Variants in ADGRL3 observed in about 807,000 individuals in gnomAD.
ADGRL3 encodes the protein adhesion G protein-coupled receptor L3, also known as calcium-independent alpha-latrotoxin receptor 3.
In ADGRL3, 62 loss-of-function variants were observed where a neutral mutation model predicts 153.5. That is an observed-to-expected ratio of 0.40 (90% CI 0.33 to 0.50). ADGRL3 has a LOEUF of 0.50. Among genes scored for constraint, ADGRL3 ranks in the 20% least tolerant of loss-of-function variants. The probability of loss-of-function intolerance (pLI) is 0.47; values close to 1 mark genes in which losing one functional copy is unlikely to be tolerated. For missense variants in ADGRL3, 1,641 were observed against 1,859.4 expected, an observed-to-expected ratio of 0.88 and a Z score of 2.16; for synonymous variants, 710 against 672.5, an observed-to-expected ratio of 1.06 and a Z score of -0.86.
chr4:61,538,417 CAGG>C (rs928837435), intron 4 of ADGRL3, among the ~76,000 whole-genome samples: 24 of 151,994 alleles, frequency 1.6e-4, no homozygotes, highest in African/African-American at 5.6e-4. Flanking sequence ...CTTCTGATAG[CAGG>C]AGTTTTTTAT....
rs186310858 is a variant in ADGRL3, at chr4:62,050,509, C to T, written c.3814+5960C>T. On this transcript the variant is annotated intron_variant, in intron 25 of 26. Transcript: ENST00000683033. ...ATTGTCTTTCCCAGGAGGTTGGTCA[C>T]TGAGGCAGAAGAAACTTCAAAATAA... 1.1e-4 allele frequency among the ~76,000 whole-genome samples: 16 copies of T among 152,032 alleles called. No individual in the cohort carries two copies. The East Asian group carries it at 2.7e-3, about 26-fold the overall frequency.
At chr4:61,609,846 T>G (rs1268434128) in intron 5 of ADGRL3, among the ~76,000 whole-genome samples, 1 of 152,044 alleles carries the variant, frequency 6.6e-6, no homozygotes, top group Non-Finnish European at 1.5e-5. Context: ...ACGGAATAAA[T>G]TTGGCATAAA....
At chr4:61,885,043 C>T (rs1478651430) in intron 9 of ADGRL3, among the ~76,000 whole-genome samples, 1 of 151,718 alleles carries the variant, frequency 6.6e-6, no homozygotes, top group African/African-American at 2.4e-5. Flanking sequence ...TTGGGAGGCC[C>T]AGGCGGGTGG....
At chr4:61,417,347 A>G (rs1196785810) in intron 2 of ADGRL3, among the ~76,000 whole-genome samples, 2 of 152,066 alleles carry the variant, frequency 1.3e-5, no homozygotes, top group Non-Finnish European at 2.9e-5. Context: ...TTAGCCAGTC[A>G]TGGTGGTGCG....
At chr4:61,584,897 C>T (rs1399141558) in intron 4 of ADGRL3, among the ~76,000 whole-genome samples, 1 of 151,830 alleles carries the variant, frequency 6.6e-6, no homozygotes, top group Admixed American at 6.6e-5. Context: ...AAAATAGCAT[C>T]TCAGTATTGA....
At chr4:61,361,278 A>G (rs1006833971) in intron 1 of ADGRL3, among the ~76,000 whole-genome samples, 8 of 152,116 alleles carry the variant, frequency 5.3e-5, no homozygotes, top group African/African-American at 1.7e-4. Context: ...TGTGTAGAAA[A>G]CAGTGTTAAT....
intron 17 of ADGRL3, among the ~76,000 whole-genome samples, chr4:61,958,452 G>A (rs941874886): frequency 2.0e-5 from 3 of 151,022 alleles, no homozygotes; most frequent in African/African-American, 7.3e-5. Flanking sequence ...TAACTGCTGT[G>A]AGGGATTGTG....
chr4:61,229,675 T>G (rs1749701252), intron 1 of ADGRL3, among the ~76,000 whole-genome samples: 1 of 152,092 alleles, frequency 6.6e-6, no homozygotes, highest in Non-Finnish European at 1.5e-5. Flanking sequence ...TCCAGCAATT[T>G]GGGAAGCCAC....
intron 4 of ADGRL3, among the ~76,000 whole-genome samples, chr4:61,534,947 C>G (rs2098646017): frequency 1.3e-5 from 2 of 152,046 alleles, no homozygotes; most frequent in South Asian, 4.1e-4. Flanking sequence ...TGTCTGATTG[C>G]TCAGGCTAGA....
At chr4:62,026,011 G>C (rs1365448115) in intron 21 of ADGRL3, among the ~76,000 whole-genome samples, 1 of 152,020 alleles carries the variant, frequency 6.6e-6, no homozygotes, top group African/African-American at 2.4e-5. Flanking sequence ...AGATTATCTA[G>C]GCCAGTAGAA....
rs372186274 is a variant in ADGRL3 at position 61,937,226 on chromosome 4, G to T, written c.2419+1181G>T. Among the ~76,000 whole-genome samples, 3 of 152,132 alleles carry T rather than the reference G, an allele frequency of 2.0e-5. No homozygotes were observed. The East Asian group carries it at 5.8e-4, about 29-fold the overall frequency. ...ACCAGTTGACCTCCAATTACACTTA[G>T]AATGAAATCTCATGACTTAACTAGG... On this transcript the variant is annotated intron_variant, in intron 15 of 26. Transcript: ENST00000683033.
chr4:61,647,051 C>T (rs1280427745), intron 5 of ADGRL3, among the ~76,000 whole-genome samples: 3 of 152,130 alleles, frequency 2.0e-5, no homozygotes, highest in Non-Finnish European at 4.4e-5. Flanking sequence ...AGGTGCCGTC[C>T]ATCACCCCTT....
chr4:61,823,646 A>C (rs773781004), intron 9 of ADGRL3, among the ~76,000 whole-genome samples: 13 of 152,202 alleles, frequency 8.5e-5, no homozygotes, highest in Non-Finnish European at 1.3e-4. Context: ...TAAAGGTAAG[A>C]CAGATAATAC....
At chr4:61,329,284 T>C (rs1234557028) in intron 1 of ADGRL3, among the ~76,000 whole-genome samples, 2 of 152,196 alleles carry the variant, frequency 1.3e-5, no homozygotes, top group African/African-American at 2.4e-5. Context: ...AGATGGTTAA[T>C]AAAAGCTCAA....
At chr4:61,274,196 A>G (rs768499959) in intron 1 of ADGRL3, among the ~76,000 whole-genome samples, 57 of 152,348 alleles carry the variant, frequency 3.7e-4, no homozygotes, top group Non-Finnish European at 6.9e-4. Flanking sequence ...TTGGTGACAG[A>G]GTCCTGGCAT....
At chr4:61,696,701 A>C (rs1386151097) in intron 6 of ADGRL3, among the ~76,000 whole-genome samples, 2 of 102,702 alleles carry the variant, frequency 1.9e-5, no homozygotes, top group East Asian at 6.8e-4. Flanking sequence ...TGTGAGATGG[A>C]GTCTCGCTCT....
At chr4:62,055,998 A>G (rs1319854557) in intron 25 of ADGRL3, among the ~76,000 whole-genome samples, 1 of 151,574 alleles carries the variant, frequency 6.6e-6, no homozygotes, top group African/African-American at 2.4e-5. Context: ...AGATTAATGA[A>G]CTCCTACAAG....
intron 9 of ADGRL3, among the ~76,000 whole-genome samples, chr4:61,858,486 T>A (rs181594415): frequency 6.6e-6 from 1 of 152,236 alleles, no homozygotes; most frequent in African/African-American, 2.4e-5. Context: ...TCTGGCGTAG[T>A]GGCGCGTGCA....
chr4:62,008,874 T>TC (rs2099170865), intron 21 of ADGRL3, among the ~76,000 whole-genome samples: 1 of 152,132 alleles, frequency 6.6e-6, no homozygotes. Flanking sequence ...TCTCATAAGA[T>TC]TGTAATACCA....
Sources: allele counts gnomAD v4.1 joint callset (sites outside exome capture counted in the v4.1 genomes callset), GRCh38; gene constraint gnomAD v4.1.1; transcripts MANE v1.5; gene names NCBI Gene and HGNC (gene_info 2026-07-23, HGNC 2026-07-21).